Variants in ETV6 observed in about 807,000 individuals in gnomAD.
ETV6 encodes ETS variant transcription factor 6, also known as transcription factor ETV6.
A neutral mutation model predicts 51.1 loss-of-function variants in ETV6; 16 were observed. That is an observed-to-expected ratio of 0.31 (90% CI 0.21 to 0.48). ETV6 has a LOEUF of 0.48. Among genes scored for constraint, ETV6 ranks in the 20% least tolerant of loss-of-function variants. ETV6 has a pLI of 0.99. For missense variants in ETV6, 458 were observed against 594.8 expected (o/e 0.77, Z 2.39); for synonymous variants, 240 against 224.1 (o/e 1.07, Z -0.64).
At chr12:11,890,869 A>T (rs1457784014) in intron 7 of ETV6, 72 bp from the exon 8 acceptor site, 1 of 1,123,706 alleles carries the variant, frequency 8.9e-7, no homozygotes, top group Non-Finnish European at 1.4e-6. Context: ...CTTTATATAC[A>T]GGCTAGAGTT....
At chr12:11,854,481 A>T (rs1946602553) in intron 4 of ETV6, among the ~76,000 whole-genome samples, 1 of 152,240 alleles carries the variant, frequency 6.6e-6, no homozygotes, top group African/African-American at 2.4e-5. Flanking sequence ...AAAATGACGT[A>T]AGGGTGGGGT....
chr12:11,740,290 G>A (rs1335858577), intron 1 of ETV6, among the ~76,000 whole-genome samples: 1 of 152,220 alleles, frequency 6.6e-6, no homozygotes, highest in Non-Finnish European at 1.5e-5. Context: ...TCTAGCTCTT[G>A]TTTCAACCCT....
At chr12:11,808,444 CA>C (rs76127717) in intron 2 of ETV6, among the ~76,000 whole-genome samples, 14,381 of 135,708 alleles carry the variant, frequency 0.11, 703 homozygotes, top group Admixed American at 0.13. Flanking sequence ...AAACAAAAAA[CA>C]AAAAAAAAAA....
At chr12:11,661,976 G>A (rs569898056) in intron 1 of ETV6, among the ~76,000 whole-genome samples, 1 of 152,298 alleles carries the variant, frequency 6.6e-6, no homozygotes, top group African/African-American at 2.4e-5. Context: ...CTAATCTTTT[G>A]CAGCGTGCTG....
At chr12:11,654,219 T>C (rs1454040188) in intron 1 of ETV6, among the ~76,000 whole-genome samples, 1 of 152,224 alleles carries the variant, frequency 6.6e-6, no homozygotes, top group Non-Finnish European at 1.5e-5. Context: ...AAGGAATTGC[T>C]TTAACAGGTT....
chr12:11,835,292 A>C (rs1946300690), intron 2 of ETV6, among the ~76,000 whole-genome samples: 1 of 152,244 alleles, frequency 6.6e-6, no homozygotes, highest in South Asian at 2.1e-4. Flanking sequence ...AATGGCCCTC[A>C]AGAGGCACGC....
intron 2 of ETV6, among the ~76,000 whole-genome samples, chr12:11,760,009 T>C (rs1170156637): frequency 1.3e-5 from 2 of 152,234 alleles, no homozygotes; most frequent in African/African-American, 4.8e-5. Flanking sequence ...GTTTAGATGT[T>C]GCTGCTTTTG....
Position 11,799,538 on chromosome 12 carries a change from A to C in ETV6, c.164-39602A>C, listed in dbSNP as rs556074734. Reference sequence around the variant, plus strand: ...ACCCGTGGCTCTTTGACATACCTTCATGTGACCCTAAAAGCATTAGGGAAA... The same window carrying C: ...ACCCGTGGCTCTTTGACATACCTTCCTGTGACCCTAAAAGCATTAGGGAAA... On this transcript the variant is annotated intron_variant, in intron 2 of 7. Transcript: ENST00000396373. Among the ~76,000 whole-genome samples, 35 of 152,310 alleles carry C rather than the reference A, an allele frequency of 2.3e-4. No individual in the cohort carries two copies. In the South Asian group the frequency reaches 5.8e-3, roughly 25 times the overall value.
intron 1 of ETV6, among the ~76,000 whole-genome samples, chr12:11,688,900 AAAT>A (rs145936955): frequency 0.052 from 7,941 of 152,240 alleles, 285 homozygotes; most frequent in Non-Finnish European, 0.073. Flanking sequence ...TCTAGGATTT[AAAT>A]ACAGGCTCCA....
At chr12:11,859,491 G>A (rs565021150) in intron 4 of ETV6, among the ~76,000 whole-genome samples, 21 of 152,154 alleles carry the variant, frequency 1.4e-4, no homozygotes, top group African/African-American at 5.1e-4. Flanking sequence ...TTGGGTCCTT[G>A]TTGTGTGCCG....
chr12:11,852,030 T>C (rs1946564050), intron 3 of ETV6, among the ~76,000 whole-genome samples: 1 of 152,116 alleles, frequency 6.6e-6, no homozygotes, highest in South Asian at 2.1e-4. Context: ...CAAAGACCCA[T>C]TGTTTGTTAT....
intron 1 of ETV6, among the ~76,000 whole-genome samples, chr12:11,717,114 G>T (rs754030093): frequency 6.6e-6 from 1 of 152,116 alleles, no homozygotes; most frequent in Non-Finnish European, 1.5e-5. Flanking sequence ...TTTTGCCCAC[G>T]TTGTATTCCT....
intron 1 of ETV6, among the ~76,000 whole-genome samples, chr12:11,694,289 A>G (rs935370200): frequency 6.6e-6 from 1 of 152,190 alleles, no homozygotes. Context: ...CCTGAGGCTC[A>G]GTGTCCTCGG....
At chr12:11,881,431 G>GT (rs2136582841) in intron 5 of ETV6, among the ~76,000 whole-genome samples, 1 of 152,356 alleles carries the variant, frequency 6.6e-6, no homozygotes, top group Admixed American at 6.5e-5. Context: ...AGACTGGGTA[G>GT]TTGGTACGCA....
chr12:11,674,118 C>G (rs748469853), intron 1 of ETV6, among the ~76,000 whole-genome samples: 1 of 152,212 alleles, frequency 6.6e-6, no homozygotes, highest in Non-Finnish European at 1.5e-5. Flanking sequence ...CCCGCAGATA[C>G]AATGCACGGA....
chr12:11,823,561 G>A (rs1946112755), intron 2 of ETV6, among the ~76,000 whole-genome samples: 1 of 151,150 alleles, frequency 6.6e-6, no homozygotes. Context: ...CTGCCTCCCA[G>A]GTGGAAATGA....
At chr12:11,658,512 G>A (rs1864043845) in intron 1 of ETV6, among the ~76,000 whole-genome samples, 2 of 152,208 alleles carry the variant, frequency 1.3e-5, no homozygotes, top group South Asian at 2.1e-4. Context: ...TGGGATTACA[G>A]GCGTGAGCCA....
At chr12:11,682,096 T>C (rs1470645653) in intron 1 of ETV6, among the ~76,000 whole-genome samples, 1 of 152,220 alleles carries the variant, frequency 6.6e-6, no homozygotes, top group South Asian at 2.1e-4. Context: ...GTAATGGGAT[T>C]GCTGGGTCAA....
intron 4 of ETV6, among the ~76,000 whole-genome samples, chr12:11,855,023 C>T (rs544984280): frequency 4.4e-4 from 67 of 151,738 alleles, no homozygotes; most frequent in Non-Finnish European, 6.6e-4. Flanking sequence ...AGGCCAGGCG[C>T]GGTGGCTCAC....
Sources: allele counts gnomAD v4.1 joint callset (sites outside exome capture counted in the v4.1 genomes callset), GRCh38; gene constraint gnomAD v4.1.1; transcripts MANE v1.5; gene names NCBI Gene and HGNC (gene_info 2026-07-23, HGNC 2026-07-21).